Variants in PCDHA5 observed in about 807,000 individuals in gnomAD.
The protein encoded by PCDHA5 is protocadherin alpha-5.
PCDHA5 carries 43 observed loss-of-function variants against 61.6 expected under a neutral mutation model. That is an observed-to-expected ratio of 0.70 (90% CI 0.55 to 0.90). PCDHA5 has a LOEUF of 0.90. PCDHA5 is among the 40% of genes least tolerant of loss of function. The pLI, the probability that PCDHA5 is intolerant of heterozygous loss-of-function variation, is 0.00. For missense variants in PCDHA5, 1,298 were observed against 1,222.7 expected (o/e 1.06, Z -0.92); for synonymous variants, 627 against 543.9 (o/e 1.15, Z -2.13).
rs2150220578 is a variant in PCDHA5 at position 140,834,540 on chromosome 5, G to A, written c.2352+10413G>A. ...CGTGGGCCGCATCGCGCAGGACCTG[G>A]GGCTGGAGCTGGCGGAGCTGGTGCC... On this transcript the variant is annotated intron_variant, in intron 1 of 3. Transcript: ENST00000529859. The A allele has an allele frequency of 7.4e-6, 12 of 1,614,082 alleles. No individual in the cohort carries two copies. The Admixed American group carries it at 1.0e-4, about 13-fold the overall frequency.
chr5:140,857,567 G>A, intron 1 of PCDHA5: 1 of 1,596,986 alleles, frequency 6.3e-7, no homozygotes, highest in South Asian at 1.1e-5. Flanking sequence ...GTCGAGCTAC[G>A]TGTCGGTGCA....
chr5:140,971,541 G>C (rs544682624), intron 1 of PCDHA5, among the ~76,000 whole-genome samples: 1 of 152,290 alleles, frequency 6.6e-6, no homozygotes, highest in Non-Finnish European at 1.5e-5. Flanking sequence ...ATCATTGCCA[G>C]ATCAACCTGT....
intron 1 of PCDHA5, among the ~76,000 whole-genome samples, chr5:140,937,106 C>G (rs2091337574): frequency 6.7e-6 from 1 of 149,110 alleles, no homozygotes; most frequent in African/African-American, 2.5e-5. Context: ...GGCGCAGTCT[C>G]GGCTCACTGC....
chr5:140,883,686 A>G (rs1380292802), intron 1 of PCDHA5: 1 of 1,613,664 alleles, frequency 6.2e-7, no homozygotes, highest in East Asian at 2.2e-5. Flanking sequence ...CCGGGCTGCC[A>G]CATCTTCACG....
chr5:140,871,573 T>A (rs1554165748), intron 1 of PCDHA5: 1 of 1,477,842 alleles, frequency 6.8e-7, no homozygotes, highest in Non-Finnish European at 9.0e-7. Flanking sequence ...ACGGATTTTT[T>A]AAGGGAAAGT....
chr5:140,997,672 GTGT>G (rs1226412114), intron 3 of PCDHA5, among the ~76,000 whole-genome samples: 3 of 148,192 alleles, frequency 2.0e-5, no homozygotes, highest in African/African-American at 7.5e-5. Context: ...TACAGCTTGT[GTGT>G]GTGTGTGTGT....
At chr5:140,895,038 C>G (rs1554186328) in intron 1 of PCDHA5, among the ~76,000 whole-genome samples, 1 of 152,104 alleles carries the variant, frequency 6.6e-6, no homozygotes, top group African/African-American at 2.4e-5. Context: ...TGTCCCCCAC[C>G]CACACCATTC....
chr5:140,984,550 A>C (rs1486017679), intron 3 of PCDHA5, among the ~76,000 whole-genome samples: 1 of 152,134 alleles, frequency 6.6e-6, no homozygotes, highest in Non-Finnish European at 1.5e-5. Flanking sequence ...GATAGAGCTT[A>C]CATCTTCCAA....
Position 140,856,118 on chromosome 5 carries a change from G to A in PCDHA5, c.2352+31991G>A. On this transcript the variant is annotated intron_variant, in intron 1 of 3. Coordinates refer to ENST00000529859, the MANE Select transcript of PCDHA5 (RefSeq NM_018908.3). ...CTCGCTTCTTCTCCTCGCAGCCTGG[G>A]AGGTGGGGAGCGGCCAGCTCCACTA... 1.3e-6 allele frequency: 2 copies of A among 1,598,234 alleles called. 1 individual carries two copies. The highest frequency in any genetic ancestry group is 2.7e-5 in the African/African-American group (2 of 74,402).
intron 1 of PCDHA5, chr5:140,869,624 A>G: frequency 6.2e-7 from 1 of 1,613,850 alleles, no homozygotes; most frequent in African/African-American, 1.3e-5. Flanking sequence ...AGGCTAAGTA[A>G]AAATGAGTAT....
At position 140,858,391 on chromosome 5, in the gene PCDHA5, T is replaced by G. The variant is rs1214576702; in HGVS notation, c.2352+34264T>G. ...GCCTTCCACCATGCCCAATGGTAGA[T>G]GTGGACGGGGAAGATCAGTCTATTG... On this transcript the variant is annotated intron_variant, in intron 1 of 3. Transcript: ENST00000529859. 2.5e-6 allele frequency: 4 copies of G among 1,577,710 alleles called. 1 individual carries two copies. The highest frequency in any genetic ancestry group is 3.5e-6 in the Non-Finnish European group (4 of 1,154,364).
intron 1 of PCDHA5, among the ~76,000 whole-genome samples, chr5:140,901,405 G>C (rs1366026091): frequency 6.6e-6 from 1 of 152,128 alleles, no homozygotes; most frequent in Non-Finnish European, 1.5e-5. Context: ...TGAGAGATAG[G>C]GGTCTAGTTT....
At chr5:140,861,457 A>T (rs2046932948) in intron 1 of PCDHA5, 1 of 493,524 alleles carries the variant, frequency 2.0e-6, no homozygotes, top group African/African-American at 2.0e-5. Flanking sequence ...AACCTTCTGG[A>T]GGTAAATCTG....
At chr5:140,848,272 A>G (rs1781411932) in intron 1 of PCDHA5, 2 of 538,068 alleles carry the variant, frequency 3.7e-6, no homozygotes, top group Non-Finnish European at 6.6e-6. Context: ...TATTCATGAA[A>G]TATGTACTTA....
chr5:140,882,182 G>A (rs1357141908), intron 1 of PCDHA5: 1 of 1,518,510 alleles, frequency 6.6e-7, no homozygotes, highest in Non-Finnish European at 8.8e-7. Context: ...TCCGCACTAG[G>A]AAGCCATAAA....
In PCDHA5 at chr5:140,826,703, G is replaced by A. The variant is rs1350880240; in HGVS notation, c.2352+2576G>A. Among the ~76,000 whole-genome samples the A allele has an allele frequency of 3.9e-5, 6 of 152,222 alleles. No individual in the cohort carries two copies. In the East Asian group the frequency reaches 5.8e-4, roughly 15 times the overall value. Reference sequence around the variant, plus strand: ...AAAAAAACCCAGCTAAAACAAAGGTGGTATTGAGAAAGAGGAAGAGCAAGT... The same window carrying A: ...AAAAAAACCCAGCTAAAACAAAGGTAGTATTGAGAAAGAGGAAGAGCAAGT... On this transcript the variant is annotated intron_variant, in intron 1 of 3. Coordinates refer to ENST00000529859, the MANE Select transcript of PCDHA5 (RefSeq NM_018908.3).
intron 1 of PCDHA5, among the ~76,000 whole-genome samples, chr5:140,962,957 C>T (rs915413264): frequency 1.3e-5 from 2 of 152,014 alleles, no homozygotes; most frequent in Non-Finnish European, 2.9e-5. Flanking sequence ...ATGCTCTATC[C>T]CTATATAGGA....
rs2150316766 is a variant in PCDHA5 at position 140,841,503 on chromosome 5, C to A, written c.2352+17376C>A. 418 of 1,613,290 alleles carry A rather than the reference C, an allele frequency of 2.6e-4. 3 individuals are homozygous for A. In the East Asian group the frequency reaches 7.1e-3, roughly 27 times the overall value. On this transcript the variant is annotated intron_variant, in intron 1 of 3. Transcript: ENST00000529859. ...GGGCTGGAGCTGGCGGAGCTGGTGC[C>A]GCGCCTGTTCCGGGTGGCGTCCAAA...
At chr5:140,989,153 A>C (rs1409258920) in intron 3 of PCDHA5, among the ~76,000 whole-genome samples, 2 of 152,186 alleles carry the variant, frequency 1.3e-5, no homozygotes, top group Non-Finnish European at 2.9e-5. Flanking sequence ...CTTTTGTTTA[A>C]GAGTGTTGCA....
Sources: allele counts gnomAD v4.1 joint callset (sites outside exome capture counted in the v4.1 genomes callset), GRCh38; gene constraint gnomAD v4.1.1; transcripts MANE v1.5; gene names NCBI Gene and HGNC (gene_info 2026-07-23, HGNC 2026-07-21).